PBX4: variants seen among roughly 807,000 people sequenced by gnomAD.
PBX4 encodes pre-B-cell leukemia transcription factor 4.
Under a neutral mutation model 35.1 loss-of-function variants are expected in PBX4, and 26 were observed. The observed-to-expected ratio is 0.74, with a 90% CI of 0.54 to 1.03. PBX4 has a LOEUF of 1.03. Among genes scored for constraint, PBX4 ranks in the 50% least tolerant of loss-of-function variants. The pLI is 0.00. For missense variants in PBX4, 448 were observed against 504.3 expected, an observed-to-expected ratio of 0.89 and a Z score of 1.07; for synonymous variants, 199 against 204.2, an observed-to-expected ratio of 0.97 and a Z score of 0.22.
At chr19:19,603,968 AAG>A (rs2061613620) in intron 1 of PBX4, among the ~76,000 whole-genome samples, 1 of 151,678 alleles carries the variant, frequency 6.6e-6, no homozygotes, top group Admixed American at 6.6e-5. Context: ...AAAAAAAAAA[AAG>A]AATAGGGTAG....
intron 4 of PBX4, 33 bp downstream of exon 4, chr19:19,570,076 C>T (rs913364543): frequency 6.5e-7 from 1 of 1,544,844 alleles, no homozygotes; most frequent in Non-Finnish European, 8.8e-7. Flanking sequence ...TCAGAGCCGG[C>T]CCTTGAGGTT....
intron 1 of PBX4, among the ~76,000 whole-genome samples, chr19:19,610,856 C>CTT (rs752797489): frequency 3.9e-5 from 6 of 152,294 alleles, no homozygotes; most frequent in South Asian, 2.1e-4. Flanking sequence ...TGCAAGCAAG[C>CTT]TAAGAAGAAA....
At chr19:19,609,859 T>C (rs1428554221) in intron 1 of PBX4, among the ~76,000 whole-genome samples, 1 of 151,564 alleles carries the variant, frequency 6.6e-6, no homozygotes, top group Non-Finnish European at 1.5e-5. Flanking sequence ...TCAAAAAAAC[T>C]AAAGAAAGAA....
At chr19:19,574,637 T>C (rs532862772) in intron 2 of PBX4, among the ~76,000 whole-genome samples, 7 of 151,214 alleles carry the variant, frequency 4.6e-5, no homozygotes, top group Middle Eastern at 3.4e-3. Context: ...CCTTTTTTTT[T>C]CCTTTTTTTT....
chr19:19,611,178 G>A (rs1214754981), intron 1 of PBX4, among the ~76,000 whole-genome samples: 1 of 152,118 alleles, frequency 6.6e-6, no homozygotes, highest in Non-Finnish European at 1.5e-5. Context: ...TATTGCAAAA[G>A]TACCAAGCCT....
intron 1 of PBX4, among the ~76,000 whole-genome samples, chr19:19,604,431 C>A (rs1022125262): frequency 4.0e-4 from 47 of 117,016 alleles, no homozygotes; most frequent in African/African-American, 1.6e-3. Context: ...CACATCACTG[C>A]ACTCCCGTCT....
At chr19:19,613,522 A>G (rs2061673961) in intron 1 of PBX4, among the ~76,000 whole-genome samples, 1 of 151,854 alleles carries the variant, frequency 6.6e-6, no homozygotes, top group South Asian at 2.1e-4. Flanking sequence ...TAGGGAAACT[A>G]GAATCTCAGG....
chr19:19,615,578 G>A (rs766285356), intron 1 of PBX4, among the ~76,000 whole-genome samples: 9 of 151,994 alleles, frequency 5.9e-5, no homozygotes, highest in Non-Finnish European at 7.4e-5. Flanking sequence ...GATAAATATC[G>A]GCCAAATTTG....
At chr19:19,598,296 C>T (rs2061572499) in intron 2 of PBX4, among the ~76,000 whole-genome samples, 1 of 124,720 alleles carries the variant, frequency 8.0e-6, no homozygotes. Context: ...TCTTTTCTTT[C>T]CTTTTTTTTT....
intron 1 of PBX4, among the ~76,000 whole-genome samples, chr19:19,606,971 A>T (rs184738079): frequency 6.6e-6 from 1 of 152,256 alleles, no homozygotes; most frequent in East Asian, 1.9e-4. Context: ...AGGCTGGGTG[A>T]CACAGCAAGA....
In PBX4 at chr19:19,566,293, G is replaced by A. The variant is rs1454087759; in HGVS notation, c.769-1204C>T. 7.2e-5 allele frequency among the ~76,000 whole-genome samples: 11 copies of A among 152,126 alleles called. No homozygotes were observed. The East Asian group carries it at 1.4e-3, about 19-fold the overall frequency. ...TCCTGTACACTGCAGGGTGCTGAGCGGTATCCTTGGCACCCACTGGGTGCC... is the reference window on the plus strand; with the variant it reads ...TCCTGTACACTGCAGGGTGCTGAGCAGTATCCTTGGCACCCACTGGGTGCC... On this transcript the variant is annotated intron_variant, in intron 5 of 7. Coordinates refer to ENST00000251203, the MANE Select transcript of PBX4 (RefSeq NM_025245.3).
chr19:19,564,985 C>T lies in PBX4; in HGVS notation c.873G>A (p.Thr291=), dbSNP rs147715000. The T allele has an allele frequency of 4.6e-5, 74 of 1,614,090 alleles. No homozygotes were observed. In the Middle Eastern group the frequency reaches 4.9e-4, roughly 11 times the overall value. The change falls in exon 6 of 8, where the codon ACG becomes ACA. Residue 291 remains threonine (T), a synonymous_variant. Transcript: ENST00000251203. ...IYTGKTAVDT[T]EVGVPGNHAS... ...CGTGGTTCCCTGGGACCCCAACTTC[C>T]GTGGTATCCACAGCCGTTTTACCCG... is the stretch of plus-strand genomic sequence containing the variant.
Position 19,562,002 on chromosome 19 carries a change from TCTTTC to T in PBX4, c.*18_*22del. 1 of 1,596,670 alleles carries T rather than the reference TCTTTC, an allele frequency of 6.3e-7. No homozygotes were observed. Among genetic ancestry groups the T allele is most frequent in the Non-Finnish European group, 8.6e-7 (1 of 1,166,998 alleles). ...CGATACATGGCAGCTCACGCAGCGC[TCTTTC>T]CTGCTTATCCCCCAAACTTAATTAG... On this transcript the variant is annotated 3_prime_UTR_variant, in exon 8 of 8. Transcript: ENST00000251203. This position sits in a 1 kb window ranked among gnomAD's most constrained non-coding sequence, Gnocchi z 4.8.
chr19:19,569,319 C>A, intron 5 of PBX4, 130 bp downstream of exon 5: 1 of 1,270,260 alleles, frequency 7.9e-7, no homozygotes, highest in Non-Finnish European at 1.1e-6. Flanking sequence ...CTCATCCTCC[C>A]AAAGTGCTGG....
chr19:19,616,770 G>A (rs927711306), intron 1 of PBX4, among the ~76,000 whole-genome samples: 6 of 149,528 alleles, frequency 4.0e-5, no homozygotes, highest in Admixed American at 3.3e-4. Context: ...TGCAGCCTCC[G>A]CCTCCCAGGT....
intron 2 of PBX4, among the ~76,000 whole-genome samples, chr19:19,594,232 C>G (rs1014043572): frequency 6.6e-6 from 1 of 151,752 alleles, no homozygotes; most frequent in Non-Finnish European, 1.5e-5. Flanking sequence ...AGGGTGAAAC[C>G]CTGTCTCTAC....
intron 1 of PBX4, among the ~76,000 whole-genome samples, chr19:19,601,107 C>T (rs2061594915): frequency 6.6e-6 from 1 of 152,150 alleles, no homozygotes; most frequent in South Asian, 2.1e-4. Context: ...ACCCATCAGC[C>T]GTGGCAGTTG....
chr19:19,615,987 A>G (rs946971479), intron 1 of PBX4, among the ~76,000 whole-genome samples: 2 of 152,102 alleles, frequency 1.3e-5, no homozygotes, highest in African/African-American at 2.4e-5. Context: ...CTGGCTTTGT[A>G]ACCCCTCCCC....
intron 1 of PBX4, among the ~76,000 whole-genome samples, chr19:19,610,184 C>T (rs1445497595): frequency 6.6e-6 from 1 of 152,108 alleles, no homozygotes; most frequent in Non-Finnish European, 1.5e-5. Flanking sequence ...GAGGCTGAGA[C>T]GGGCGGATCA....
Sources: gnomAD v4.1 joint callset for allele counts (sites outside exome capture counted in the v4.1 genomes callset) on GRCh38, gnomAD v4.1.1 for gene constraint, Gnocchi (gnomAD v3.1) non-coding constraint, MANE v1.5 for transcripts, NCBI Gene and HGNC (gene_info 2026-07-23, HGNC 2026-07-21) for gene names.